The following GIN1 variants were observed in gnomAD, a reference collection of about 807,000 sequenced individuals.
GIN1 encodes the protein gypsy retrotransposon integrase-like protein 1.
A neutral mutation model predicts 51.4 loss-of-function variants in GIN1; 41 were observed. The ratio of observed to expected loss-of-function variants is 0.80; its 90% confidence interval spans 0.62 to 1.04. The LOEUF (loss-of-function observed/expected upper bound fraction) is 1.04. Among genes scored for constraint, GIN1 ranks in the 50% least tolerant of loss-of-function variants. The pLI is 0.00. For synonymous variants in GIN1, 222 were observed against 206.5 expected (o/e 1.07, Z -0.64); for missense variants, 610 against 612.4 (o/e 1.00, Z 0.04).
At chr5:103,089,139 C>A (rs1280690362) in intron 7 of GIN1, among the ~76,000 whole-genome samples, 5 of 152,124 alleles carry the variant, frequency 3.3e-5, no homozygotes, top group Non-Finnish European at 7.4e-5. Context: ...CTAAGCCATA[C>A]TGAAGTACTG....
chr5:103,106,714 AC>A lies in GIN1; in HGVS notation c.333+1del. 6.5e-7 allele frequency: 1 copy of A among 1,534,636 alleles called. No individual in the cohort carries two copies. Among genetic ancestry groups the A allele is most frequent in the Non-Finnish European group, 8.9e-7 (1 of 1,120,926 alleles). ...ATAATACTCTAAATACATAAGCCAT[AC>A]CCACTGTTTGACATCATTGGTCACA... On this transcript the variant is annotated splice_donor_variant, in intron 3 of 7. Coordinates refer to ENST00000399004, the MANE Select transcript of GIN1 (RefSeq NM_017676.2). LOFTEE classifies it high-confidence loss of function.
chr5:103,098,019 A>G (rs1787457248), intron 4 of GIN1, among the ~76,000 whole-genome samples: 1 of 152,024 alleles, frequency 6.6e-6, no homozygotes, highest in South Asian at 2.1e-4. Context: ...AGTAGCTGGG[A>G]CTACAGGTGT....
intron 7 of GIN1, among the ~76,000 whole-genome samples, chr5:103,093,327 T>C (rs1787306864): frequency 6.6e-6 from 1 of 152,080 alleles, no homozygotes; most frequent in Non-Finnish European, 1.5e-5. Flanking sequence ...AAGAGGAGGT[T>C]GGAGTAAGGT....
In GIN1 at chr5:103,097,301, T is replaced by C. The variant is rs1562327890; in HGVS notation, c.1008+13A>G. On this transcript the variant is annotated intron_variant, in intron 6 of 7. Transcript: ENST00000399004. ...AAGTTTTAGATTACAGTTTTTCTAT[T>C]GAATAGAATCACCTGGCCCAGTGAA... 6.7e-7 allele frequency: 1 copy of C among 1,491,432 alleles called. No homozygotes were observed. Among genetic ancestry groups the C allele is most frequent in the East Asian group, 2.3e-5 (1 of 44,196 alleles). The allele number at this position is 1,491,432 out of a possible 1,614,324, so 92.4% of individuals were successfully genotyped here. A position where few individuals can be genotyped will look rare whatever the true frequency, so the allele number is the denominator to read the frequency against.
intron 1 of GIN1, among the ~76,000 whole-genome samples, chr5:103,110,392 A>C (rs1787845527): frequency 6.6e-6 from 1 of 152,174 alleles, no homozygotes; most frequent in South Asian, 2.1e-4. Context: ...TAAAAATCAA[A>C]AAGAAAAGGA....
chr5:103,110,552 A>G (rs1420229126), intron 1 of GIN1, among the ~76,000 whole-genome samples: 1 of 152,184 alleles, frequency 6.6e-6, no homozygotes, highest in Non-Finnish European at 1.5e-5. Flanking sequence ...AGAATTACAC[A>G]CTACTGAACA....
chr5:103,114,382 A>T (rs1404212024), intron 1 of GIN1, among the ~76,000 whole-genome samples: 6 of 152,248 alleles, frequency 3.9e-5, no homozygotes, highest in African/African-American at 1.4e-4. Flanking sequence ...GATACATTAT[A>T]TAAGAACTGT....
chr5:103,104,910 A>G (rs1554196152), intron 3 of GIN1, 64 bp from the exon 4 acceptor site: 1 of 997,630 alleles, frequency 1.0e-6, no homozygotes, highest in African/African-American at 1.6e-5. Context: ...ATATAAAAGC[A>G]GTCTTATAAA....
chr5:103,117,398 T>C (rs114145475), intron 1 of GIN1, among the ~76,000 whole-genome samples: 1,890 of 151,954 alleles, frequency 0.012, 28 homozygotes, highest in African/African-American at 0.043. Flanking sequence ...GCCAACGCAA[T>C]TGCACTGCAT....
intron 1 of GIN1, among the ~76,000 whole-genome samples, chr5:103,118,238 T>A (rs1488839427): frequency 6.6e-6 from 1 of 152,154 alleles, no homozygotes; most frequent in Non-Finnish European, 1.5e-5. Flanking sequence ...GTAAACTGTG[T>A]CTAAGAAGGT....
In GIN1 at chr5:103,097,616, A is replaced by G. The variant is rs782470928; in HGVS notation, c.805T>C (p.Ser269Pro). ...NNWDDHLSAVSFAFNVTHLEP... is the reference protein window; with the variant it reads ...NNWDDHLSAVPFAFNVTHLEP... ...AAGTGAGTTACATTGAAGGCAAATGAAACAGCTGATAGGTGATCATCCCAA... is the reference window on the plus strand; with the variant it reads ...AAGTGAGTTACATTGAAGGCAAATGGAACAGCTGATAGGTGATCATCCCAA... The change falls in exon 5 of 8, where the codon TCA (serine) becomes CCA (proline). Residue 269 changes from serine (S) to proline (P), a missense_variant. Ser to Pro is a moderately conservative substitution (Grantham distance 74, BLOSUM62 -1). Coordinates refer to ENST00000399004, the MANE Select transcript of GIN1 (RefSeq NM_017676.2). The G allele has an allele frequency of 1.9e-6, 3 of 1,610,410 alleles. No homozygotes were observed. Among genetic ancestry groups the G allele is most frequent in the South Asian group, 2.2e-5 (2 of 90,972 alleles).
At chr5:103,119,635 A>G (rs913162494) in intron 1 of GIN1, among the ~76,000 whole-genome samples, 2 of 152,200 alleles carry the variant, frequency 1.3e-5, no homozygotes, top group Non-Finnish European at 2.9e-5. Context: ...AATTTGGGGC[A>G]AAATTTCTGA....
At chr5:103,091,924 C>T (rs7708325) in intron 7 of GIN1, among the ~76,000 whole-genome samples, 4,762 of 151,884 alleles carry the variant, frequency 0.031, 257 homozygotes, top group African/African-American at 0.11. Context: ...ACTCAGGAGG[C>T]CGAGGTAGGA....
At chr5:103,096,029 T>C (rs891887131) in intron 7 of GIN1, among the ~76,000 whole-genome samples, 36 of 152,058 alleles carry the variant, frequency 2.4e-4, no homozygotes, top group Admixed American at 2.0e-3. Flanking sequence ...ACATAAACTA[T>C]GAAAAACATA....
rs1787134209 is a variant in GIN1, at chr5:103,088,180, A to G, written c.1295-8T>C. ...GCAAGAGATAAAGACTTTCTGAAAAAAGAAAAATCATACATTTGACTTTTA... is the reference window on the plus strand; with the variant it reads ...GCAAGAGATAAAGACTTTCTGAAAAGAGAAAAATCATACATTTGACTTTTA... On this transcript the variant is annotated splice_polypyrimidine_tract_variant and splice_region_variant and intron_variant, in intron 7 of 7. Coordinates refer to ENST00000399004, the MANE Select transcript of GIN1 (RefSeq NM_017676.2). 12 of 1,456,736 alleles carry G rather than the reference A, an allele frequency of 8.2e-6. No individual in the cohort carries two copies. Among genetic ancestry groups the G allele is most frequent in the Non-Finnish European group, 1.1e-5 (12 of 1,087,234 alleles). The allele number at this position is 1,456,736 out of a possible 1,614,324, so 90.2% of individuals were successfully genotyped here.
At chr5:103,112,413 C>A (rs533090023) in intron 1 of GIN1, among the ~76,000 whole-genome samples, 4 of 152,198 alleles carry the variant, frequency 2.6e-5, no homozygotes, top group Non-Finnish European at 5.9e-5. Context: ...AAATGATTTA[C>A]TTGACAGAGT....
intron 1 of GIN1, among the ~76,000 whole-genome samples, chr5:103,118,370 G>A (rs1788116185): frequency 6.6e-6 from 1 of 152,024 alleles, no homozygotes; most frequent in Non-Finnish European, 1.5e-5. Context: ...TCATATCTAA[G>A]TATTATCATC....
intron 7 of GIN1, among the ~76,000 whole-genome samples, chr5:103,090,152 G>A (rs1185719327): frequency 7.2e-5 from 11 of 152,186 alleles, no homozygotes; most frequent in African/African-American, 2.7e-4. Flanking sequence ...AGTCAGGCAT[G>A]GTGGCATGTG....
intron 1 of GIN1, among the ~76,000 whole-genome samples, chr5:103,112,774 T>C (rs1225066635): frequency 1.2e-4 from 18 of 152,146 alleles, no homozygotes; most frequent in African/African-American, 4.3e-4. Flanking sequence ...TTTTTAATAG[T>C]TTTTTGCCTG....
Sources: gnomAD v4.1 joint callset for allele counts (sites outside exome capture counted in the v4.1 genomes callset) on GRCh38, gnomAD v4.1.1 for gene constraint, MANE v1.5 for transcripts, NCBI Gene and HGNC (gene_info 2026-07-23, HGNC 2026-07-21) for gene names.